The following IQGAP2 variants were observed in gnomAD, a reference collection of about 807,000 sequenced individuals.
IQGAP2 encodes ras GTPase-activating-like protein IQGAP2.
In IQGAP2, 173 loss-of-function variants were observed where a neutral mutation model predicts 201.3. The observed-to-expected ratio is 0.86, with a 90% CI of 0.76 to 0.98. The LOEUF (loss-of-function observed/expected upper bound fraction) is 0.98, where lower values mean the gene tolerates loss of function less well. IQGAP2 is among the 50% of genes least tolerant of loss of function. The pLI, the probability that IQGAP2 is intolerant of heterozygous loss-of-function variation, is 0.00. For missense variants in IQGAP2, 1,687 were observed against 1,864.8 expected (o/e 0.90, Z 1.76); for synonymous variants, 675 against 673.9 (o/e 1.00, Z -0.03).
chr5:76,526,051 C>T (rs866923185), intron 2 of IQGAP2, among the ~76,000 whole-genome samples: 2 of 152,200 alleles, frequency 1.3e-5, no homozygotes, highest in Non-Finnish European at 2.9e-5. Flanking sequence ...AAAACAAGAG[C>T]TTGTGGATCT....
intron 33 of IQGAP2, among the ~76,000 whole-genome samples, chr5:76,700,680 C>T (rs938881015): frequency 6.6e-6 from 1 of 152,112 alleles, no homozygotes; most frequent in Non-Finnish European, 1.5e-5. Flanking sequence ...CAATGCTAGC[C>T]ACATAGTGTT....
chr5:76,454,357 T>C (rs1002659053), intron 1 of IQGAP2, among the ~76,000 whole-genome samples: 4 of 151,772 alleles, frequency 2.6e-5, no homozygotes, highest in African/African-American at 4.8e-5. Context: ...TTGTTACATA[T>C]GTATACATGT....
intron 5 of IQGAP2, among the ~76,000 whole-genome samples, chr5:76,581,197 C>T (rs1208175894): frequency 1.3e-5 from 2 of 152,196 alleles, no homozygotes; most frequent in African/African-American, 2.4e-5. Context: ...TACCAGGTGG[C>T]CTTTGAACCT....
At chr5:76,612,439 G>A (rs1245170913) in intron 13 of IQGAP2, among the ~76,000 whole-genome samples, 3 of 151,794 alleles carry the variant, frequency 2.0e-5, no homozygotes, top group East Asian at 1.9e-4. Context: ...AGGTTGCAGC[G>A]AGCTGAGATC....
At chr5:76,437,875 CT>C (rs1217682487) in intron 1 of IQGAP2, among the ~76,000 whole-genome samples, 1 of 152,064 alleles carries the variant, frequency 6.6e-6, no homozygotes, top group Non-Finnish European at 1.5e-5. Flanking sequence ...GATTTATATT[CT>C]TTTGGATATA....
At chr5:76,511,686 G>GTTTTTT (rs70982618) in intron 2 of IQGAP2, among the ~76,000 whole-genome samples, 2 of 141,362 alleles carry the variant, frequency 1.4e-5, no homozygotes, top group Middle Eastern at 3.6e-3. Flanking sequence ...GTTTTGTTTT[G>GTTTTTT]TTTTTTTTTT....
At chr5:76,478,097 T>C (rs2150141649) in intron 2 of IQGAP2, among the ~76,000 whole-genome samples, 1 of 152,304 alleles carries the variant, frequency 6.6e-6, no homozygotes, top group South Asian at 2.1e-4. Flanking sequence ...GGAGTTTCGC[T>C]CTTGTCACCC....
chr5:76,559,949 C>T (rs1561463470), intron 2 of IQGAP2, among the ~76,000 whole-genome samples: 1 of 152,110 alleles, frequency 6.6e-6, no homozygotes, highest in African/African-American at 2.4e-5. Context: ...AGGTTCCGGC[C>T]ACCCAAGACC....
At chr5:76,528,503 G>A (rs1759100409) in intron 2 of IQGAP2, among the ~76,000 whole-genome samples, 2 of 152,194 alleles carry the variant, frequency 1.3e-5, no homozygotes, top group South Asian at 4.1e-4. Context: ...CCAGCATCAA[G>A]TGTGCCTCTT....
intron 16 of IQGAP2, among the ~76,000 whole-genome samples, chr5:76,638,333 C>T (rs921999829): frequency 1.3e-5 from 2 of 152,048 alleles, no homozygotes; most frequent in African/African-American, 4.8e-5. Context: ...GAGCCAAGAT[C>T]GCACCATTGC....
intron 2 of IQGAP2, among the ~76,000 whole-genome samples, chr5:76,468,613 C>T (rs1295207794): frequency 3.9e-5 from 6 of 152,174 alleles, no homozygotes; most frequent in Non-Finnish European, 8.8e-5. Context: ...TAGCCTCCTT[C>T]AATCCTTTAT....
chr5:76,509,173 G>C (rs534921471), intron 2 of IQGAP2, among the ~76,000 whole-genome samples: 1 of 151,998 alleles, frequency 6.6e-6, no homozygotes, highest in East Asian at 1.9e-4. Flanking sequence ...AATGCCACAT[G>C]TTTATCATGA....
intron 1 of IQGAP2, among the ~76,000 whole-genome samples, chr5:76,438,035 G>GTTTTTTTTTTTTTTTTTTTTTTTTTTTTT (rs71604291): frequency 5.8e-5 from 4 of 68,600 alleles, no homozygotes; most frequent in African/African-American, 8.1e-5. Flanking sequence ...TTTTTTGTTT[G>GTTTTTTTTTTTTTTTTTTTTTTTTTTTTT]TTTTTTTTTT....
chr5:76,481,908 C>T (rs1469028804), intron 2 of IQGAP2, among the ~76,000 whole-genome samples: 3 of 152,082 alleles, frequency 2.0e-5, no homozygotes, highest in Non-Finnish European at 4.4e-5. Context: ...TCTGATTATT[C>T]CAGGAAGAAG....
chr5:76,421,542 C>T (rs557488432), intron 1 of IQGAP2, among the ~76,000 whole-genome samples: 40 of 152,092 alleles, frequency 2.6e-4, no homozygotes, highest in African/African-American at 8.4e-4. Context: ...ACTTGAGCCC[C>T]GGAAGTTAAG....
In IQGAP2 at chr5:76,419,701, T is replaced by A. The variant is rs533617197; in HGVS notation, c.46+16110T>A. On this transcript the variant is annotated intron_variant, in intron 1 of 35. Coordinates refer to ENST00000274364, the MANE Select transcript of IQGAP2 (RefSeq NM_006633.5). ...TTTTTTTTTTTGTGTTTTAAACACT[T>A]TCAAGCTCTCAAAACCTCAAAGAAG... is the stretch of plus-strand genomic sequence containing the variant. 7.2e-4 allele frequency among the ~76,000 whole-genome samples: 109 copies of A among 151,892 alleles called. 1 individual carries two copies. The highest frequency in any genetic ancestry group is 8.5e-4 in the Admixed American group (13 of 15,240).
chr5:76,618,652 A>G lies in IQGAP2; in HGVS notation c.1521+7469A>G, dbSNP rs775527147. 3.1e-6 allele frequency: 5 copies of G among 1,596,442 alleles called. No homozygotes were observed. The South Asian group carries it at 5.5e-5, about 18-fold the overall frequency. ...GTATCATTTTCCATGCCTGTAATTG[A>G]AAGAAAGTATTAACATAAATGTATA... On this transcript the variant is annotated intron_variant, in intron 13 of 35. Transcript: ENST00000274364.
chr5:76,461,701 A>ATC (rs1754464422), intron 2 of IQGAP2, 32 bp downstream of exon 2: 1 of 1,472,460 alleles, frequency 6.8e-7, no homozygotes. Context: ...TTTGTGCACC[A>ATC]TCTCTTGGAG....
intron 13 of IQGAP2, among the ~76,000 whole-genome samples, chr5:76,620,528 A>G (rs555672532): frequency 1.3e-5 from 2 of 152,276 alleles, no homozygotes; most frequent in East Asian, 3.9e-4. Flanking sequence ...AGTCTGACTG[A>G]GGATGAGTTG....
Sources: gnomAD v4.1 joint callset for allele counts (sites outside exome capture counted in the v4.1 genomes callset) on GRCh38, gnomAD v4.1.1 for gene constraint, MANE v1.5 for transcripts, NCBI Gene and HGNC (gene_info 2026-07-23, HGNC 2026-07-21) for gene names.